The following PIGK variants were observed in gnomAD, a reference collection of about 807,000 sequenced individuals.
The protein encoded by PIGK is phosphatidylinositol glycan anchor biosynthesis class K.
Under a neutral mutation model 50.6 loss-of-function variants are expected in PIGK, and 42 were observed. That is an observed-to-expected ratio of 0.83 (90% CI 0.65 to 1.07). The LOEUF is 1.07. PIGK is among the 50% of genes least tolerant of loss of function. PIGK has a pLI of 0.00. For missense variants in PIGK, 448 were observed against 488.7 expected, an observed-to-expected ratio of 0.92 and a Z score of 0.78; for synonymous variants, 151 against 156.0, an observed-to-expected ratio of 0.97 and a Z score of 0.24.
rs1256900206 is a variant in PIGK at position 77,091,695 on chromosome 1, C to A, written c.*679G>T. Reference sequence around the variant, plus strand: ...ATTGTCAGTGCCATAGATTAAAAAACCAATTTTTCATCTTTGCTTTTAATT... The same window carrying A: ...ATTGTCAGTGCCATAGATTAAAAAAACAATTTTTCATCTTTGCTTTTAATT... On this transcript the variant is annotated 3_prime_UTR_variant, in exon 11 of 11. Transcript: ENST00000370812. 1.3e-5 allele frequency: 2 copies of A among 152,144 alleles called. No individual in the cohort carries two copies. The highest frequency in any genetic ancestry group is 2.9e-5 in the Non-Finnish European group (2 of 68,002). The allele number at this position is 152,144 out of a possible 1,614,324, so 9.4% of individuals were successfully genotyped here. A position where few individuals can be genotyped will look rare whatever the true frequency, so the allele number is the denominator to read the frequency against.
intron 3 of PIGK, among the ~76,000 whole-genome samples, chr1:77,206,290 T>C (rs1012253971): frequency 1.4e-4 from 22 of 152,206 alleles, no homozygotes; most frequent in African/African-American, 5.1e-4. Flanking sequence ...AGGTAATCAA[T>C]ATGCTTTCAA....
At chr1:77,194,469 C>A (rs563400545) in intron 3 of PIGK, among the ~76,000 whole-genome samples, 1 of 152,190 alleles carries the variant, frequency 6.6e-6, no homozygotes, top group East Asian at 1.9e-4. Flanking sequence ...AAAAAACACA[C>A]AATTTTGCCC....
chr1:77,190,611 T>G (rs1040053953), intron 3 of PIGK, among the ~76,000 whole-genome samples: 28 of 152,192 alleles, frequency 1.8e-4, no homozygotes, highest in Admixed American at 3.3e-4. Context: ...CACTAGAGCA[T>G]ATAATTTCAC....
At chr1:77,172,600 T>G (rs1209873334) in intron 3 of PIGK, among the ~76,000 whole-genome samples, 1 of 152,102 alleles carries the variant, frequency 6.6e-6, no homozygotes, top group Non-Finnish European at 1.5e-5. Flanking sequence ...AGTGGTAATA[T>G]TGCAGGGGCT....
chr1:77,176,929 C>T (rs1258976637), intron 3 of PIGK, among the ~76,000 whole-genome samples: 1 of 152,154 alleles, frequency 6.6e-6, no homozygotes, highest in Non-Finnish European at 1.5e-5. Flanking sequence ...GGTGTGGTAA[C>T]TTACAAATTG....
chr1:77,132,232 C>A (rs1269388349), intron 9 of PIGK, among the ~76,000 whole-genome samples: 1 of 151,878 alleles, frequency 6.6e-6, no homozygotes, highest in African/African-American at 2.4e-5. Context: ...GGTACTTGGT[C>A]CAATTACATT....
At chr1:77,167,189 A>C (rs1190592163) in intron 4 of PIGK, among the ~76,000 whole-genome samples, 18 of 152,142 alleles carry the variant, frequency 1.2e-4, no homozygotes, top group Non-Finnish European at 2.6e-4. Context: ...CACACACACA[A>C]AAAATGTTTA....
chr1:77,129,244 C>T, intron 9 of PIGK: 1 of 1,609,296 alleles, frequency 6.2e-7, no homozygotes, highest in South Asian at 1.1e-5. Flanking sequence ...ATACAAAAAG[C>T]CACGAAGTAT....
chr1:77,210,405 A>G (rs774662652), intron 2 of PIGK, 31 bp downstream of exon 2: 2 of 1,413,630 alleles, frequency 1.4e-6, no homozygotes, highest in East Asian at 2.4e-5. Flanking sequence ...TCTAATGTGA[A>G]CAGCAAGGTA....
intron 3 of PIGK, chr1:77,194,840 T>C (rs1182764332): frequency 2.6e-6 from 1 of 381,718 alleles, no homozygotes; most frequent in Non-Finnish European, 5.0e-6. Context: ...GTCATCAAGA[T>C]TCTGGGCACT....
At chr1:77,154,223 C>G (rs1045676101) in intron 9 of PIGK, 6 of 520,500 alleles carry the variant, frequency 1.2e-5, no homozygotes, top group Non-Finnish European at 2.0e-5. Context: ...GCAAGATTGT[C>G]TTTTGGAGCT....
intron 3 of PIGK, among the ~76,000 whole-genome samples, chr1:77,198,097 ATTAT>A (rs1306417496): frequency 6.6e-6 from 1 of 152,146 alleles, no homozygotes; most frequent in Non-Finnish European, 1.5e-5. Context: ...AAGTTATTAG[ATTAT>A]TTATTAGTAA....
At chr1:77,210,372 C>A in intron 2 of PIGK, 64 bp downstream of exon 2, 2 of 908,968 alleles carry the variant, frequency 2.2e-6, no homozygotes, top group South Asian at 2.0e-5. Context: ...AAATTTGATT[C>A]ACACAAATTT....
At chr1:77,218,980 G>A (rs1160269256) in intron 1 of PIGK, among the ~76,000 whole-genome samples, 1 of 152,112 alleles carries the variant, frequency 6.6e-6, no homozygotes, top group Non-Finnish European at 1.5e-5. Context: ...AAAACAGAGG[G>A]CTGCAGTTGA....
intron 10 of PIGK, among the ~76,000 whole-genome samples, chr1:77,106,458 A>C (rs1244798684): frequency 6.6e-6 from 1 of 152,204 alleles, no homozygotes; most frequent in East Asian, 1.9e-4. Flanking sequence ...CATTCCTTTT[A>C]AAATAAATTA....
intron 1 of PIGK, among the ~76,000 whole-genome samples, chr1:77,218,525 G>A (rs377491098): frequency 1.3e-5 from 2 of 152,130 alleles, no homozygotes; most frequent in East Asian, 3.9e-4. Context: ...AGAAATGGAG[G>A]AGAAAAGGGG....
chr1:77,167,979 C>T (rs1255701283), intron 4 of PIGK, among the ~76,000 whole-genome samples: 1 of 151,906 alleles, frequency 6.6e-6, no homozygotes, highest in African/African-American at 2.4e-5. Flanking sequence ...TGTAACAAAC[C>T]TGCACATATA....
intron 3 of PIGK, among the ~76,000 whole-genome samples, chr1:77,174,565 A>G (rs1381842233): frequency 6.6e-6 from 1 of 152,134 alleles, no homozygotes; most frequent in Non-Finnish European, 1.5e-5. Context: ...ACTTTTAGGG[A>G]TAGCTAATGG....
intron 8 of PIGK, among the ~76,000 whole-genome samples, chr1:77,159,049 G>A (rs949589382): frequency 1.3e-5 from 2 of 152,162 alleles, no homozygotes; most frequent in African/African-American, 2.4e-5. Flanking sequence ...CACAGGCCCT[G>A]AGGCCTGTGG....
Sources: gnomAD v4.1 joint callset for allele counts (sites outside exome capture counted in the v4.1 genomes callset) on GRCh38, gnomAD v4.1.1 for gene constraint, MANE v1.5 for transcripts, NCBI Gene and HGNC (gene_info 2026-07-23, HGNC 2026-07-21) for gene names.